PARD3: variants seen among roughly 807,000 people sequenced by gnomAD.
PARD3 encodes partitioning defective 3 homolog.
A neutral mutation model predicts 155.4 loss-of-function variants in PARD3; 75 were observed. The ratio of observed to expected loss-of-function variants is 0.48; its 90% CI spans 0.40 to 0.58. The LOEUF is 0.58. PARD3 is among the 20% of genes least tolerant of loss of function. The pLI is 0.00. For synonymous variants in PARD3, 576 were observed against 610.5 expected, an observed-to-expected ratio of 0.94 and a Z score of 0.83; for missense variants, 1,642 against 1,721.7, an observed-to-expected ratio of 0.95 and a Z score of 0.82.
chr10:34,627,226 T>C (rs1017335498), intron 2 of PARD3, among the ~76,000 whole-genome samples: 7 of 152,082 alleles, frequency 4.6e-5, no homozygotes, highest in Non-Finnish European at 1.0e-4. Flanking sequence ...AGAGATGGGA[T>C]CTCACTTTGT....
intron 1 of PARD3, among the ~76,000 whole-genome samples, chr10:34,744,505 T>C (rs1313975802): frequency 6.6e-6 from 1 of 152,232 alleles, no homozygotes; most frequent in Non-Finnish European, 1.5e-5. Flanking sequence ...TTTTTACACC[T>C]GCTAATGCCC....
At chr10:34,642,789 C>G (rs2092719945) in intron 2 of PARD3, among the ~76,000 whole-genome samples, 1 of 152,090 alleles carries the variant, frequency 6.6e-6, no homozygotes, top group South Asian at 2.1e-4. Flanking sequence ...CTGGTCAGAG[C>G]TACCCACACC....
chr10:34,543,670 T>G (rs1020812685), intron 2 of PARD3, among the ~76,000 whole-genome samples: 11 of 152,326 alleles, frequency 7.2e-5, no homozygotes, highest in African/African-American at 2.4e-4. Flanking sequence ...AATATTTTTT[T>G]AAATCACAGT....
intron 7 of PARD3, among the ~76,000 whole-genome samples, chr10:34,393,449 C>CACTT (rs1346347992): frequency 6.6e-6 from 1 of 151,864 alleles, no homozygotes; most frequent in Non-Finnish European, 1.5e-5. Flanking sequence ...GGCATGGAGG[C>CACTT]ACTTGCCTGT....
At chr10:34,694,813 C>G (rs2133463539) in intron 2 of PARD3, among the ~76,000 whole-genome samples, 2 of 152,176 alleles carry the variant, frequency 1.3e-5, no homozygotes, top group South Asian at 4.1e-4. Flanking sequence ...TATTTTTTGT[C>G]TTACTTGAAA....
chr10:34,297,183 G>A lies in PARD3; in HGVS notation c.3066-12938C>T, dbSNP rs567898649. On this transcript the variant is annotated intron_variant, in intron 20 of 24. Transcript: ENST00000374788. ...CCGGGTACGGTGGCGCACGCCTGTC[G>A]TCCTAGCTACTCGGGAGGCTTAGGT... 7.2e-5 allele frequency among the ~76,000 whole-genome samples: 11 copies of A among 152,068 alleles called. No individual in the cohort carries two copies. The South Asian group carries it at 1.9e-3, about 26-fold the overall frequency.
Position 34,453,802 on chromosome 10 carries a change from C to T in PARD3, c.583-3354G>A, listed in dbSNP as rs781201523. 5.9e-5 allele frequency among the ~76,000 whole-genome samples: 9 copies of T among 152,166 alleles called. No homozygotes were observed. The South Asian group carries it at 8.3e-4, about 14-fold the overall frequency. On this transcript the variant is annotated intron_variant, in intron 4 of 24. Coordinates refer to ENST00000374788, the MANE Select transcript of PARD3 (RefSeq NM_001184785.2). ...CTCCATGTAAGTCAATTATGACATG[C>T]AGTACCTGCAGCACAGCAACATACA...
intron 7 of PARD3, among the ~76,000 whole-genome samples, chr10:34,392,159 T>TA (rs1378079917): frequency 1.3e-5 from 2 of 151,452 alleles, no homozygotes; most frequent in Admixed American, 6.6e-5. Context: ...AGAAAGAAAG[T>TA]AAAAAAAAGA....
Position 34,450,360 on chromosome 10 carries a change from G to A in PARD3, c.671C>T (p.Ala224Val). ...CCACTTGCCCACCATTGGGTGACTG[G>A]CACTCAGAGACGAGCGAGCATTGTC... Reference protein sequence around the residue: ...QRDNARSSLSASHPMVGKWLE... With the variant: ...QRDNARSSLSVSHPMVGKWLE... The change falls in exon 5 of 25, where the codon GCC (alanine) becomes GTC (valine). Residue 224 changes from alanine (A) to valine (V), a missense_variant. Around this residue, in one of 3 missense-constraint regions of PARD3, gnomAD observed 1,529 missense variants for 1,587.3 expected, o/e 0.96. Coordinates refer to ENST00000374788, the MANE Select transcript of PARD3 (RefSeq NM_001184785.2). The A allele has an allele frequency of 6.2e-7, 1 of 1,613,888 alleles. No homozygotes were observed. Among genetic ancestry groups the A allele is most frequent in the Non-Finnish European group, 8.5e-7 (1 of 1,179,818 alleles).
rs570309870 is a variant in PARD3 at position 34,727,802 on chromosome 10, C to A, written c.121-31383G>T. Reference sequence around the variant, plus strand: ...TGCAGGTGAAACACAAGTATGCAACCCCCTCCCTCCACCACACACACACAC... The same window carrying A: ...TGCAGGTGAAACACAAGTATGCAACACCCTCCCTCCACCACACACACACAC... On this transcript the variant is annotated intron_variant, in intron 1 of 24. Coordinates refer to ENST00000374788, the MANE Select transcript of PARD3 (RefSeq NM_001184785.2). Among the ~76,000 whole-genome samples, 3 of 145,772 alleles carry A rather than the reference C, an allele frequency of 2.1e-5. No individual in the cohort carries two copies. The Admixed American group carries it at 2.1e-4, about 10-fold the overall frequency.
chr10:34,628,474 T>C (rs566268278), intron 2 of PARD3, among the ~76,000 whole-genome samples: 5 of 152,368 alleles, frequency 3.3e-5, no homozygotes, highest in South Asian at 4.1e-4. Context: ...GCAGGCAATA[T>C]ATCCTCTGTC....
At chr10:34,132,912 C>T (rs1329337886) in intron 22 of PARD3, among the ~76,000 whole-genome samples, 1 of 152,034 alleles carries the variant, frequency 6.6e-6, no homozygotes, top group Non-Finnish European at 1.5e-5. Flanking sequence ...AGAAGGGAGA[C>T]GAGAAGGAGC....
chr10:34,790,020 G>A (rs1046830468), intron 1 of PARD3, among the ~76,000 whole-genome samples: 1 of 152,182 alleles, frequency 6.6e-6, no homozygotes, highest in Non-Finnish European at 1.5e-5. Flanking sequence ...TCAGTGGCAG[G>A]AGCAGACCGT....
rs555868321 is a variant in PARD3, at chr10:34,639,390, A to T, written c.222+56928T>A. Among the ~76,000 whole-genome samples, 7 of 152,330 alleles carry T rather than the reference A, an allele frequency of 4.6e-5. 1 individual carries two copies. The South Asian group carries it at 1.2e-3, about 27-fold the overall frequency. ...AAAAAAATAAAAATAAAAGTAAAAA[A>T]AAAATAAAATACATAGGAAAACACA... On this transcript the variant is annotated intron_variant, in intron 2 of 24. Coordinates refer to ENST00000374788, the MANE Select transcript of PARD3 (RefSeq NM_001184785.2).
intron 22 of PARD3, among the ~76,000 whole-genome samples, chr10:34,137,331 A>G (rs1947953188): frequency 6.6e-6 from 1 of 152,124 alleles, no homozygotes; most frequent in South Asian, 2.1e-4. Flanking sequence ...CCACAGCTGC[A>G]TGGAACACAA....
chr10:34,511,561 A>C (rs1320953199), intron 3 of PARD3, among the ~76,000 whole-genome samples: 1 of 152,200 alleles, frequency 6.6e-6, no homozygotes, highest in Admixed American at 6.5e-5. Context: ...ACAAAGCGAC[A>C]GAGTAACCCC....
intron 1 of PARD3, among the ~76,000 whole-genome samples, chr10:34,723,161 G>A (rs1468840600): frequency 6.6e-6 from 1 of 152,094 alleles, no homozygotes; most frequent in African/African-American, 2.4e-5. Flanking sequence ...TGGCCAACAC[G>A]GCAAGAACCC....
chr10:34,230,652 A>G (rs1952874347), intron 22 of PARD3, among the ~76,000 whole-genome samples: 1 of 152,132 alleles, frequency 6.6e-6, no homozygotes, highest in Non-Finnish European at 1.5e-5. Context: ...CAGGAAAGCT[A>G]GAAACTCTTT....
At chr10:34,111,687 A>T in intron 24 of PARD3, 125 bp from the exon 25 acceptor site, 1 of 785,232 alleles carries the variant, frequency 1.3e-6, no homozygotes, top group East Asian at 2.7e-5. Context: ...CTCTCATCAC[A>T]TGCCAGACAC....
Sources: allele counts gnomAD v4.1 joint callset (sites outside exome capture counted in the v4.1 genomes callset), GRCh38; gene constraint gnomAD v4.1.1; regional missense constraint gnomAD v4.1.1; transcripts MANE v1.5; gene names NCBI Gene and HGNC (gene_info 2026-07-23, HGNC 2026-07-21).